Variants in DCDC1 observed in about 807,000 individuals in gnomAD.
DCDC1 encodes the protein doublecortin domain containing 1, also known as doublecortin domain-containing protein 1.
DCDC1 carries 200 observed loss-of-function variants against 178.3 expected under a neutral mutation model. The ratio of observed to expected loss-of-function variants is 1.12; its 90% confidence interval spans 1.00 to 1.26. The LOEUF (loss-of-function observed/expected upper bound fraction) is 1.26. Ranked by LOEUF, DCDC1 falls within the 50% of genes most tolerant of loss-of-function variation. DCDC1 has a pLI of 0.00. For missense variants in DCDC1, 1,983 were observed against 1,749.2 expected, an observed-to-expected ratio of 1.13 and a Z score of -2.38; for synonymous variants, 690 against 604.8, an observed-to-expected ratio of 1.14 and a Z score of -2.07.
At chr11:31,047,841 A>C (rs1954956165) in intron 20 of DCDC1, among the ~76,000 whole-genome samples, 1 of 152,200 alleles carries the variant, frequency 6.6e-6, no homozygotes, top group South Asian at 2.1e-4. Flanking sequence ...TTAGCAGTGC[A>C]CAACTTATTT....
intron 3 of DCDC1, among the ~76,000 whole-genome samples, chr11:31,326,147 A>C (rs2137834419): frequency 6.6e-6 from 1 of 152,316 alleles, no homozygotes; most frequent in South Asian, 2.1e-4. Context: ...GGTAACAGGC[A>C]ATAGTGACAG....
chr11:30,981,410 A>G (rs1181592451), intron 20 of DCDC1, among the ~76,000 whole-genome samples: 1 of 152,208 alleles, frequency 6.6e-6, no homozygotes, highest in East Asian at 1.9e-4. Flanking sequence ...TTGTAAAGGA[A>G]TAGAATGGCA....
intron 9 of DCDC1, among the ~76,000 whole-genome samples, chr11:31,220,325 C>G (rs1234572852): frequency 6.6e-6 from 1 of 152,130 alleles, no homozygotes; most frequent in African/African-American, 2.4e-5. Flanking sequence ...CTTGATGAAA[C>G]TATTTTTGAT....
At chr11:31,196,779 T>G (rs962064489) in intron 9 of DCDC1, among the ~76,000 whole-genome samples, 1 of 152,066 alleles carries the variant, frequency 6.6e-6, no homozygotes, top group African/African-American at 2.4e-5. Flanking sequence ...TCCACTGCAT[T>G]GGTGATGAAG....
At chr11:30,940,753 T>A (rs1019892497) in intron 21 of DCDC1, among the ~76,000 whole-genome samples, 1 of 152,204 alleles carries the variant, frequency 6.6e-6, no homozygotes, top group South Asian at 2.1e-4. Context: ...TGTAAGAGCA[T>A]TGGTTTCTGC....
intron 1 of DCDC1, among the ~76,000 whole-genome samples, chr11:31,336,575 T>C (rs772411351): frequency 6.6e-6 from 1 of 152,218 alleles, no homozygotes; most frequent in Non-Finnish European, 1.5e-5. Context: ...ACCAAATGCA[T>C]TGAAATAATT....
chr11:31,164,634 CA>C (rs1374964816), intron 9 of DCDC1, among the ~76,000 whole-genome samples: 1 of 151,906 alleles, frequency 6.6e-6, no homozygotes, highest in African/African-American at 2.4e-5. Flanking sequence ...TAAAGCTGTA[CA>C]ATTTGTGCTG....
At chr11:31,003,238 C>T (rs1951669225) in intron 20 of DCDC1, among the ~76,000 whole-genome samples, 1 of 152,004 alleles carries the variant, frequency 6.6e-6, no homozygotes, top group Non-Finnish European at 1.5e-5. Flanking sequence ...TCACAAGCTG[C>T]CACGAAGCAC....
At chr11:31,032,685 A>T (rs1358763624) in intron 20 of DCDC1, among the ~76,000 whole-genome samples, 1 of 152,212 alleles carries the variant, frequency 6.6e-6, no homozygotes, top group Non-Finnish European at 1.5e-5. Context: ...CAGATTTATC[A>T]TTCCTTTGCT....
At chr11:30,924,071 T>C (rs1264989477) in intron 23 of DCDC1, among the ~76,000 whole-genome samples, 4 of 152,236 alleles carry the variant, frequency 2.6e-5, no homozygotes, top group Non-Finnish European at 5.9e-5. Context: ...CTCCATCTTA[T>C]CCTCCTTCCA....
At chr11:31,254,768 G>T (rs2137017189) in intron 8 of DCDC1, among the ~76,000 whole-genome samples, 1 of 152,200 alleles carries the variant, frequency 6.6e-6, no homozygotes, top group East Asian at 1.9e-4. Context: ...TGCTCCATTT[G>T]TCTTTTTTCT....
chr11:31,103,826 T>C (rs1455537282), intron 13 of DCDC1, 57 bp from the exon 14 acceptor site: 2 of 739,234 alleles, frequency 2.7e-6, no homozygotes, highest in African/African-American at 1.7e-5. Context: ...CATTGTAATT[T>C]GAGCACAAAT....
At chr11:31,075,396 G>T (rs1956806601) in intron 18 of DCDC1, among the ~76,000 whole-genome samples, 1 of 151,848 alleles carries the variant, frequency 6.6e-6, no homozygotes, top group Admixed American at 6.6e-5. Flanking sequence ...CTTTTCCTTT[G>T]GGTAGATATC....
At chr11:31,359,714 G>A (rs1317899342) in intron 1 of DCDC1, among the ~76,000 whole-genome samples, 1 of 152,118 alleles carries the variant, frequency 6.6e-6, no homozygotes, top group East Asian at 1.9e-4. Context: ...CCAGACCTGT[G>A]GTAAATCCTA....
At chr11:30,929,961 T>C (rs1323176851) in intron 22 of DCDC1, among the ~76,000 whole-genome samples, 2 of 151,996 alleles carry the variant, frequency 1.3e-5, no homozygotes, top group Non-Finnish European at 2.9e-5. Flanking sequence ...CAACAAAAAC[T>C]CCTCAAAACT....
intron 21 of DCDC1, chr11:30,943,181 A>G (rs1947778745): frequency 6.6e-6 from 1 of 150,590 alleles, no homozygotes; most frequent in Non-Finnish European, 1.5e-5. Context: ...CCTTAAATTG[A>G]TCATTCTTCT....
intron 6 of DCDC1, among the ~76,000 whole-genome samples, chr11:31,303,778 CT>C (rs1948277036): frequency 6.6e-6 from 1 of 152,124 alleles, no homozygotes; most frequent in Admixed American, 6.6e-5. Flanking sequence ...ATATGCTAGT[CT>C]GTGTCCAAGC....
At chr11:31,053,706 A>G (rs1452273308) in intron 20 of DCDC1, among the ~76,000 whole-genome samples, 1 of 152,196 alleles carries the variant, frequency 6.6e-6, no homozygotes, top group African/African-American at 2.4e-5. Flanking sequence ...CATAAACAGA[A>G]TTAAAAACAA....
At chr11:31,238,234 C>G (rs1322287659) in intron 9 of DCDC1, among the ~76,000 whole-genome samples, 1 of 152,038 alleles carries the variant, frequency 6.6e-6, no homozygotes, top group Non-Finnish European at 1.5e-5. Context: ...TGCCCATCAG[C>G]CATTCTGAGT....
Sources: allele counts gnomAD v4.1 joint callset (sites outside exome capture counted in the v4.1 genomes callset), GRCh38; gene constraint gnomAD v4.1.1; transcripts MANE v1.5; gene names NCBI Gene and HGNC (gene_info 2026-07-23, HGNC 2026-07-21).